COG1: variants seen among roughly 807,000 people sequenced by gnomAD.
The protein encoded by COG1 is conserved oligomeric Golgi complex subunit 1.
Under a neutral mutation model 102.2 loss-of-function variants are expected in COG1, and 61 were observed. That is an observed-to-expected ratio of 0.60 (90% confidence interval 0.49 to 0.74). The LOEUF is 0.74. Among genes scored for constraint, COG1 ranks in the 30% least tolerant of loss-of-function variants. COG1 has a pLI of 0.00. For synonymous variants in COG1, 454 were observed against 493.6 expected (o/e 0.92, Z 1.06); for missense variants, 1,164 against 1,232.1 (o/e 0.94, Z 0.83).
At position 73,201,398 on chromosome 17, in the gene COG1, A is replaced by T; in HGVS notation, c.1571A>T (p.Lys524Met). The T allele has an allele frequency of 6.2e-7, 1 of 1,614,222 alleles. No individual in the cohort carries two copies. The highest frequency in any genetic ancestry group is 8.5e-7 in the Non-Finnish European group (1 of 1,180,050). ...VQNFCSALDS[K>M]LKVKLDDLLA... ...AACTTCTGTTCTGCCCTGGATTCTAAGCTGAAGGTTAAACTAGATGACCTC... is the reference window on the plus strand; with the variant it reads ...AACTTCTGTTCTGCCCTGGATTCTATGCTGAAGGTTAAACTAGATGACCTC... The change falls in exon 7 of 14, where the codon AAG becomes ATG. Residue 524 changes from lysine to methionine, a missense_variant. Physicochemically the swap from Lys to Met is moderately conservative, Grantham distance 95. Coordinates refer to ENST00000299886, the MANE Select transcript of COG1 (RefSeq NM_018714.3).
At position 73,206,763 on chromosome 17, in the gene COG1, C is replaced by T. The variant is rs751977123; in HGVS notation, c.2675C>T (p.Thr892Met). The change falls in exon 12 of 14, where the codon ACG becomes ATG. Residue 892 changes from threonine (T) to methionine (M), a missense_variant. Coordinates refer to ENST00000299886, the MANE Select transcript of COG1 (RefSeq NM_018714.3). ...TENQLAPRSS[T>M]FNSQEPHNIL... ...AATCAGCTCGCCCCCCGGAGCAGTA[C>T]GTTCAACTCCCAAGAACCCCATAAC... The T allele has an allele frequency of 8.7e-6, 14 of 1,612,926 alleles. No individual in the cohort carries two copies. Among genetic ancestry groups the T allele is most frequent in the Admixed American group, 6.7e-5 (4 of 59,816 alleles).
Position 73,197,081 on chromosome 17 carries a change from G to T in COG1, c.742G>T (p.Gly248Cys), listed in dbSNP as rs1454439825. Residue 248 changes from glycine (G) to cysteine (C), a missense_variant and splice_region_variant, in exon 3 of 14, where the codon GGT becomes TGT. Gly to Cys is a radical substitution (Grantham distance 159). Coordinates refer to ENST00000299886, the MANE Select transcript of COG1 (RefSeq NM_018714.3). ...IQKLLNQPHH[G>C]AGIKAQICSL... ...GAAACTTCTCAACCAGCCACACCAT[G>T]GTGGGTGTGGCTTCTGGCCAACATT... 4 of 1,613,932 alleles carry T rather than the reference G, an allele frequency of 2.5e-6. No homozygotes were observed. The Admixed American group carries it at 5.0e-5, about 20-fold the overall frequency.
Position 73,197,017 on chromosome 17 carries a change from C to T in COG1, c.678C>T (p.Ala226=), listed in dbSNP as rs776431225. ...TAGAAGAGAGTTCTCCTCGCCAAGC[C>T]CTCACAGACTTCCTGCTGGCCAGAA... is the stretch of plus-strand genomic sequence containing the variant. The part of the protein sequence containing the change: ...MLLEESSPRQ[A]LTDFLLARKA... Residue 226 remains alanine, a synonymous_variant, in exon 3 of 14, where the codon GCC becomes GCT. Transcript: ENST00000299886. 1.2e-6 allele frequency: 2 copies of T among 1,614,164 alleles called. No homozygotes were observed. Among genetic ancestry groups the T allele is most frequent in the African/African-American group, 1.3e-5 (1 of 75,030 alleles).
chr17:73,207,182 T>G lies in COG1; in HGVS notation c.2731T>G (p.Phe911Val). The change falls in exon 13 of 14, where the codon TTT becomes GTT. Residue 911 changes from phenylalanine to valine, a missense_variant and splice_region_variant. By Grantham distance (50) the Phe-to-Val change is conservative. Transcript: ENST00000299886. ...ILPLASSQIRFGLLPLSMTST... is the reference protein window; with the variant it reads ...ILPLASSQIRVGLLPLSMTST... The stretch of plus-strand genomic sequence containing the variant: ...AAATTCTTTCCTCTTGTTTTGGAGG[T>G]TTGGACTTCTCCCACTGAGCATGAC... 3 of 1,612,668 alleles carry G rather than the reference T, an allele frequency of 1.9e-6. No homozygotes were observed. The highest frequency in any genetic ancestry group is 2.5e-6 in the Non-Finnish European group (3 of 1,179,752).
intron 7 of COG1, 123 bp from the exon 8 acceptor site, chr17:73,202,877 G>A: frequency 9.6e-7 from 1 of 1,045,172 alleles, no homozygotes; most frequent in Non-Finnish European, 1.5e-6. Context: ...AAAGAGGACT[G>A]ATACCATCAC....
At position 73,201,383 on chromosome 17, in the gene COG1, C is replaced by A. The variant is rs764231325; in HGVS notation, c.1556C>A (p.Ser519Tyr). The part of the protein sequence containing the change: ...AISPCVQNFC[S>Y]ALDSKLKVKL... ...AGCCCTTGTGTACAGAACTTCTGTT[C>A]TGCCCTGGATTCTAAGCTGAAGGTT... Residue 519 changes from serine (S) to tyrosine (Y), a missense_variant, in exon 7 of 14, where the codon TCT (serine) becomes TAT (tyrosine). Physicochemically the swap from Ser to Tyr is moderately radical, Grantham distance 144. Transcript: ENST00000299886. 3 of 1,614,218 alleles carry A rather than the reference C, an allele frequency of 1.9e-6. No homozygotes were observed. Among genetic ancestry groups the A allele is most frequent in the Non-Finnish European group, 2.5e-6 (3 of 1,180,038 alleles).
chr17:73,204,538 C>T (rs1334508271), intron 9 of COG1, among the ~76,000 whole-genome samples: 2 of 150,860 alleles, frequency 1.3e-5, no homozygotes, highest in Middle Eastern at 3.2e-3. Context: ...GGTGTATAAT[C>T]CCATTTCATT....
intron 13 of COG1, chr17:73,207,934 T>A (rs1232334284): frequency 1.9e-6 from 2 of 1,071,882 alleles, no homozygotes; most frequent in Admixed American, 4.3e-5. Context: ...GATGGTAGTT[T>A]AAAAAAAAAA....
In COG1 at chr17:73,200,331, G is replaced by C. The variant is rs144673918; in HGVS notation, c.1071-235G>C. On this transcript the variant is annotated intron_variant, in intron 5 of 13. Coordinates refer to ENST00000299886, the MANE Select transcript of COG1 (RefSeq NM_018714.3). ...TTTTTAAGCCATTCCGCAGGGTCCA[G>C]ACTTGCGTATATCCTCGGGGAAGCA... Among the ~76,000 whole-genome samples, 203 of 152,332 alleles carry C rather than the reference G, an allele frequency of 1.3e-3. 4 individuals carry two copies. The East Asian group carries it at 0.035, about 26-fold the overall frequency.
rs911276293 is a variant in COG1, at chr17:73,200,007, G to T, written c.1056G>T (p.Gln352His). 9 of 1,612,728 alleles carry T rather than the reference G, an allele frequency of 5.6e-6. No individual in the cohort carries two copies. In the South Asian group the frequency reaches 9.9e-5, roughly 18 times the overall value. Residue 352 changes from glutamine to histidine, a missense_variant, in exon 5 of 14, where the codon CAG (glutamine) becomes CAT (histidine). Transcript: ENST00000299886. Reference protein sequence around the residue: ...ISQEYLKDTLQKWIHMCNEDI... With the variant: ...ISQEYLKDTLHKWIHMCNEDI... The stretch of plus-strand genomic sequence containing the variant: ...AGGAATACCTGAAAGACACGCTGCA[G>T]AAATGGATCCACATGTAAGTAACCA...
Position 73,196,812 on chromosome 17 carries a change from A to G in COG1, c.560+61A>G. The stretch of plus-strand genomic sequence containing the variant: ...TGGCCAGGCTTCACATTACGGGTTT[A>G]TGGCGTTTGTCTTCTTTCCTGATGT... On this transcript the variant is annotated intron_variant, in intron 2 of 13. Coordinates refer to ENST00000299886, the MANE Select transcript of COG1 (RefSeq NM_018714.3). The G allele has an allele frequency of 1.9e-6, 3 of 1,613,922 alleles. 1 individual carries two copies. In the South Asian group the frequency reaches 3.3e-5, roughly 18 times the overall value.
chr17:73,207,144 T>G, intron 12 of COG1, 37 bp from the exon 13 acceptor site: 2 of 1,520,002 alleles, frequency 1.3e-6, no homozygotes, highest in South Asian at 1.1e-5. Flanking sequence ...CAGAGCTGCC[T>G]GTTTGTGCTA....
At chr17:73,203,317 CA>C (rs1233174729) in intron 8 of COG1, 171 bp downstream of exon 8, 1 of 865,600 alleles carries the variant, frequency 1.2e-6, no homozygotes, top group Non-Finnish European at 1.8e-6. Flanking sequence ...GCAGACTGTT[CA>C]AGAAGTCAGT....
chr17:73,201,007 G>A, intron 6 of COG1, 102 bp from the exon 7 acceptor site: 1 of 1,149,008 alleles, frequency 8.7e-7, no homozygotes, highest in Non-Finnish European at 1.3e-6. Context: ...TTCTGAAGAT[G>A]GTGAACCTTC....
At chr17:73,207,812 GTTTGC>G in intron 13 of COG1, 1 of 1,283,314 alleles carries the variant, frequency 7.8e-7, no homozygotes. Flanking sequence ...GCATCGAGTT[GTTTGC>G]TTTATTGTTA....
intron 13 of COG1, chr17:73,207,934 T>TAA (rs879096929): frequency 1.3e-5 from 14 of 1,072,844 alleles, no homozygotes; most frequent in Admixed American, 4.3e-5. Flanking sequence ...GATGGTAGTT[T>TAA]AAAAAAAAAA....
chr17:73,202,021 T>C, intron 7 of COG1, 121 bp downstream of exon 7: 1 of 1,084,134 alleles, frequency 9.2e-7, no homozygotes, highest in Non-Finnish European at 1.4e-6. Context: ...ACGGTTAACT[T>C]TATCTCTGCC....
chr17:73,194,314 C>T (rs1449674138), intron 1 of COG1, among the ~76,000 whole-genome samples: 1 of 146,428 alleles, frequency 6.8e-6, no homozygotes, highest in Non-Finnish European at 1.5e-5. Flanking sequence ...TGGTGGCCGG[C>T]GCCTGTAGTC....
Position 73,199,903 on chromosome 17 carries a change from T to C in COG1, c.952T>C (p.Cys318Arg). ...TGTCCTGCAGGAAGAGATGAAACTCTGCAGCTGGTTTAAACACCTGCCAGC... is the reference window on the plus strand; with the variant it reads ...TGTCCTGCAGGAAGAGATGAAACTCCGCAGCTGGTTTAAACACCTGCCAGC... Reference protein sequence around the residue: ...TGVLQEEMKLCSWFKHLPASI... With the variant: ...TGVLQEEMKLRSWFKHLPASI... Residue 318 changes from cysteine (C) to arginine (R), a missense_variant, in exon 5 of 14, where the codon TGC becomes CGC. Transcript: ENST00000299886. 6.2e-7 allele frequency: 1 copy of C among 1,614,248 alleles called. No individual in the cohort carries two copies. Among genetic ancestry groups the C allele is most frequent in the Non-Finnish European group, 8.5e-7 (1 of 1,180,054 alleles).
Sources: gnomAD v4.1 joint callset for allele counts (sites outside exome capture counted in the v4.1 genomes callset) on GRCh38, gnomAD v4.1.1 for gene constraint, MANE v1.5 for transcripts, NCBI Gene and HGNC (gene_info 2026-07-23, HGNC 2026-07-21) for gene names.